Variants in PAXIP1 observed in about 807,000 individuals in gnomAD.
PAXIP1 encodes the protein PAX-interacting protein 1.
In PAXIP1, 19 loss-of-function variants were observed where a neutral mutation model predicts 140.6. That is an observed-to-expected ratio of 0.14 (90% CI 0.09 to 0.20). The LOEUF (loss-of-function observed/expected upper bound fraction) is 0.20. Ranked by LOEUF, PAXIP1 falls within the 10% of genes least tolerant of loss-of-function variation. The pLI is 1.00. For synonymous variants in PAXIP1, 442 were observed against 444.6 expected, an observed-to-expected ratio of 0.99 and a Z score of 0.07; for missense variants, 920 against 1,208.6, an observed-to-expected ratio of 0.76 and a Z score of 3.54.
At chr7:154,990,705 T>C (rs549713809) in intron 4 of PAXIP1, among the ~76,000 whole-genome samples, 20 of 152,350 alleles carry the variant, frequency 1.3e-4, no homozygotes, top group Admixed American at 3.3e-4. Context: ...AGAAAATTCT[T>C]TGCCTGTATT....
In PAXIP1 at chr7:154,961,060, T is replaced by A. The variant is rs77742226; in HGVS notation, c.2267A>T (p.Tyr756Phe). 4 of 1,581,116 alleles carry A rather than the reference T, an allele frequency of 2.5e-6. No homozygotes were observed. The highest frequency in any genetic ancestry group is 3.4e-6 in the Non-Finnish European group (4 of 1,164,416). The change falls in exon 12 of 21, where the codon TAT (tyrosine) becomes TTT (phenylalanine). Residue 756 changes from tyrosine to phenylalanine, a missense_variant. Physicochemically the swap from Tyr to Phe is conservative, Grantham distance 22. Around this residue, in one of 5 missense-constraint regions of PAXIP1, gnomAD observed 303 missense variants for 517.9 expected, o/e 0.59. Transcript: ENST00000404141. ...TATCCTCCACTCTTTGGCTTTTTCA[T>A]ACTTTAAACCAGTTGGTCTTTTTAT... ...LICKEPTGLKYEKAKEWRIPC... is the reference protein window; with the variant it reads ...LICKEPTGLKFEKAKEWRIPC...
chr7:154,945,910 T>C, intron 20 of PAXIP1: 9 of 985,440 alleles, frequency 9.1e-6, no homozygotes, highest in Non-Finnish European at 1.1e-5. Context: ...TTTCCTGACA[T>C]GTTGATGAAG....
intron 5 of PAXIP1, among the ~76,000 whole-genome samples, chr7:154,981,821 C>T (rs1487508644): frequency 6.6e-6 from 1 of 152,036 alleles, no homozygotes. Flanking sequence ...TAGCTATACA[C>T]TTAAAAAATT....
intron 4 of PAXIP1, among the ~76,000 whole-genome samples, chr7:154,987,346 G>A (rs1810122087): frequency 6.6e-6 from 1 of 152,162 alleles, no homozygotes; most frequent in South Asian, 2.1e-4. Flanking sequence ...TACCTGGGTT[G>A]TTGTTATTTC....
chr7:154,957,614 C>T (rs1808576891), intron 13 of PAXIP1, among the ~76,000 whole-genome samples: 1 of 152,162 alleles, frequency 6.6e-6, no homozygotes, highest in African/African-American at 2.4e-5. Context: ...CAGCCCTCAA[C>T]CTTGAACTTC....
chr7:154,976,089 A>G lies in PAXIP1; in HGVS notation c.681T>C (p.Ser227=), dbSNP rs61752016. 3.1e-3 allele frequency: 4,908 copies of G among 1,577,644 alleles called. 10 individuals are homozygous for G. Among genetic ancestry groups the G allele is most frequent in the Non-Finnish European group, 3.9e-3 (4,471 of 1,159,902 alleles). The change falls in exon 6 of 21, where the codon TCT becomes TCC. Residue 227 remains serine, a synonymous_variant. Coordinates refer to ENST00000404141, the MANE Select transcript of PAXIP1 (RefSeq NM_007349.4). ...KSSPASSQEG[S]PSGDQQFSPK... ...GTGAAAACTGCTGGTCACCTGAAGG[A>G]GACCCTTCTTGAGAGCTGGCAGGGC...
intron 5 of PAXIP1, among the ~76,000 whole-genome samples, chr7:154,977,164 C>T (rs1351533547): frequency 6.6e-6 from 1 of 151,992 alleles, no homozygotes; most frequent in East Asian, 1.9e-4. Context: ...AGAGACCTCT[C>T]CTGTGGTAAA....
intron 1 of PAXIP1, chr7:155,000,683 G>A (rs1453359328): frequency 6.6e-6 from 1 of 152,188 alleles, no homozygotes; most frequent in Non-Finnish European, 1.5e-5. Context: ...CGAACTTTGA[G>A]GATGCCAAAA....
At chr7:154,993,349 GT>G (rs1429286860) in intron 3 of PAXIP1, among the ~76,000 whole-genome samples, 1 of 152,208 alleles carries the variant, frequency 6.6e-6, no homozygotes, top group Non-Finnish European at 1.5e-5. Flanking sequence ...AACAATGCAT[GT>G]TATAAATTTT....
chr7:154,988,964 T>C (rs1810199288), intron 4 of PAXIP1, among the ~76,000 whole-genome samples: 3 of 152,202 alleles, frequency 2.0e-5, no homozygotes, highest in Admixed American at 2.0e-4. Flanking sequence ...CATGTAACCA[T>C]AGCACCCAGC....
Position 154,946,877 on chromosome 7 carries a change from T to C in PAXIP1, c.2923-64A>G. 1 of 1,236,184 alleles carries C rather than the reference T, an allele frequency of 8.1e-7. No homozygotes were observed. The highest frequency in any genetic ancestry group is 1.1e-6 in the Non-Finnish European group (1 of 884,028). The allele number at this position is 1,236,184 out of a possible 1,614,324, so 76.6% of individuals were successfully genotyped here. A position where few individuals can be genotyped will look rare whatever the true frequency, so the allele number is the denominator to read the frequency against. On this transcript the variant is annotated intron_variant, in intron 17 of 20. Transcript: ENST00000404141. The surrounding 1 kb of genome is among the most constrained non-coding windows in gnomAD (Gnocchi z 4.9). ...ATGCTTTAATTTTTAGAGTACATAA[T>C]TCTCATAGATTCTGCCCTGAGATTT...
intron 4 of PAXIP1, among the ~76,000 whole-genome samples, chr7:154,989,812 C>A (rs887977854): frequency 9.2e-5 from 14 of 152,172 alleles, no homozygotes; most frequent in Non-Finnish European, 1.6e-4. Context: ...GCTTTTGCCA[C>A]TTAAGACGTT....
chr7:154,977,915 A>G (rs112873455), intron 5 of PAXIP1, among the ~76,000 whole-genome samples: 1 of 139,328 alleles, frequency 7.2e-6, no homozygotes, highest in East Asian at 2.7e-4. Context: ...ATTTTCGAAC[A>G]CAGACCAAAC....
Position 155,002,872 on chromosome 7 carries a change from C to G in PAXIP1, c.58G>C (p.Ala20Pro). The G allele has an allele frequency of 7.0e-7, 1 of 1,419,250 alleles. No individual in the cohort carries two copies. The allele number at this position is 1,419,250 out of a possible 1,614,324, so 87.9% of individuals were successfully genotyped here. Residue 20 changes from alanine to proline, a missense_variant, in exon 1 of 21, where the codon GCG becomes CCG. By Grantham distance (27) the Ala-to-Pro change is conservative. Coordinates refer to ENST00000404141, the MANE Select transcript of PAXIP1 (RefSeq NM_007349.4). ...ACCTGCGGGTCGATGTCGCCCACCG[C>G]GTAATACTTGACCTCCCTGAACATC... Reference protein sequence around the residue: ...EEMFREVKYYAVGDIDPQVIQ... With the variant: ...EEMFREVKYYPVGDIDPQVIQ...
intron 8 of PAXIP1, chr7:154,964,489 T>A (rs1467908306): frequency 1.3e-5 from 2 of 152,258 alleles, no homozygotes. Context: ...TTATTTTTCC[T>A]ATGGCTAAGC....
chr7:154,976,055 T>C lies in PAXIP1; in HGVS notation c.715A>G (p.Asn239Asp). The C allele has an allele frequency of 6.3e-7, 1 of 1,596,280 alleles. No homozygotes were observed. Among genetic ancestry groups the C allele is most frequent in the Non-Finnish European group, 8.5e-7 (1 of 1,170,078 alleles). Residue 239 changes from asparagine to aspartate, a missense_variant, in exon 6 of 21, where the codon AAC becomes GAC. Physicochemically the swap from Asn to Asp is conservative, Grantham distance 23. This residue lies in a region of PAXIP1 where 419 missense variants were observed against 514.7 expected (regional missense o/e 0.81). Transcript: ENST00000404141. Reference sequence around the variant, plus strand: ...AATTCCCCTTTAGATTTTTCAGTGTTGGATTTAGGTGAAAACTGCTGGTCA... The same window carrying C: ...AATTCCCCTTTAGATTTTTCAGTGTCGGATTTAGGTGAAAACTGCTGGTCA... ...SGDQQFSPKS[N>D]TEKSKGELMF...
At chr7:154,997,968 T>C (rs306276) in intron 2 of PAXIP1, among the ~76,000 whole-genome samples, 75,006 of 152,072 alleles carry the variant, frequency 0.49, 19,744 homozygotes, top group Admixed American at 0.59. Context: ...ACTCTTACAA[T>C]AATTCAAACA....
chr7:154,952,729 A>T (rs1217258171), intron 16 of PAXIP1, among the ~76,000 whole-genome samples: 1 of 152,178 alleles, frequency 6.6e-6, no homozygotes, highest in African/African-American at 2.4e-5. Flanking sequence ...GTTTACCCAG[A>T]GACTACAGTA....
chr7:154,996,718 T>C (rs1197470139), intron 2 of PAXIP1, among the ~76,000 whole-genome samples: 1 of 152,240 alleles, frequency 6.6e-6, no homozygotes, highest in African/African-American at 2.4e-5. Context: ...TATTATTTAC[T>C]TGCCTTTTAT....
Sources: allele counts gnomAD v4.1 joint callset (sites outside exome capture counted in the v4.1 genomes callset), GRCh38; gene constraint gnomAD v4.1.1; regional missense constraint gnomAD v4.1.1; non-coding constraint Gnocchi (gnomAD v3.1); transcripts MANE v1.5; gene names NCBI Gene and HGNC (gene_info 2026-07-23, HGNC 2026-07-21).